HDX: variants seen among roughly 807,000 people sequenced by gnomAD.
The protein encoded by HDX is highly divergent homeobox, also known as chromosome X open reading frame 43.
In HDX, 19 loss-of-function variants were observed where a neutral mutation model predicts 45.2. The ratio of observed to expected loss-of-function variants is 0.42; its 90% CI spans 0.29 to 0.62. HDX has a LOEUF of 0.62. HDX is among the 20% of genes least tolerant of loss of function. The pLI, the probability that HDX is intolerant of heterozygous loss-of-function variation, is 0.20. For synonymous variants in HDX, 188 were observed against 172.8 expected, an observed-to-expected ratio of 1.09 and a Z score of -0.69; for missense variants, 532 against 493.9, an observed-to-expected ratio of 1.08 and a Z score of -0.73.
chrX:84,324,537 A>C, intron 10 of HDX, among the ~76,000 whole-genome samples: 1 of 111,604 alleles, frequency 9.0e-6, no homozygotes, highest in East Asian at 2.8e-4. Context: ...GTTCACTACA[A>C]TTTTTGAATC....
At chrX:84,401,847 A>G (rs187461508) in intron 5 of HDX, among the ~76,000 whole-genome samples, 2 of 112,635 alleles carry the variant, frequency 1.8e-5, no homozygotes, top group East Asian at 2.8e-4. Flanking sequence ...AAAATGTGGT[A>G]CATATACACC....
intron 4 of HDX, among the ~76,000 whole-genome samples, chrX:84,463,451 G>A (rs962328956): frequency 9.0e-6 from 1 of 111,044 alleles, no homozygotes; most frequent in African/African-American, 3.3e-5. Flanking sequence ...CATTACCAAG[G>A]CACTTTTACT....
intron 5 of HDX, among the ~76,000 whole-genome samples, chrX:84,397,080 A>T (rs2038584577): frequency 8.9e-6 from 1 of 112,304 alleles, no homozygotes; most frequent in Non-Finnish European, 1.9e-5. Flanking sequence ...CCACAATGTC[A>T]GTCAACACTT....
intron 7 of HDX, among the ~76,000 whole-genome samples, chrX:84,341,035 A>G (rs1237383105): frequency 9.0e-6 from 1 of 111,037 alleles, no homozygotes; most frequent in Non-Finnish European, 1.9e-5. Flanking sequence ...TTATTTTCTA[A>G]AATTATCTTT....
At chrX:84,466,529 G>T (rs142386368) in intron 4 of HDX, among the ~76,000 whole-genome samples, 1,497 of 111,669 alleles carry the variant, frequency 0.013, 36 homozygotes, top group African/African-American at 0.047. Context: ...TCATTCATAC[G>T]ACAGTTGCTA....
chrX:84,444,556 A>C (rs772989318), intron 4 of HDX, among the ~76,000 whole-genome samples: 53 of 111,082 alleles, frequency 4.8e-4, no homozygotes, highest in Non-Finnish European at 1.9e-4. Flanking sequence ...TAATGGAAAT[A>C]GTCCTGTTAT....
chrX:84,336,660 G>T (rs758598039), intron 8 of HDX, 141 bp downstream of exon 8: 3 of 443,775 alleles, frequency 6.8e-6, no homozygotes, highest in Non-Finnish European at 1.1e-5. Flanking sequence ...TCAAAGATAT[G>T]TAATTTCATT....
chrX:84,350,713 TATC>T (rs1334975188), intron 6 of HDX, among the ~76,000 whole-genome samples: 1 of 112,102 alleles, frequency 8.9e-6, no homozygotes, highest in Non-Finnish European at 1.9e-5. Context: ...AAACTACACA[TATC>T]ATGATATTTT....
At position 84,468,842 on chromosome X, in the gene HDX, A is replaced by G; in HGVS notation, c.881T>C (p.Leu294Ser). 1 of 1,211,681 alleles carries G rather than the reference A, an allele frequency of 8.3e-7. No homozygotes were observed. The highest frequency in any genetic ancestry group is 1.1e-6 in the Non-Finnish European group (1 of 895,438). ...ATCTCCAGTCTCCATTGCAATGGAC[A>G]AACAATTTCCTTCTGCTGAGCTAGG... ...QKPSSAEGNC[L>S]SIAMETGDAE... The change falls in exon 4 of 11, where the codon TTG becomes TCG. Residue 294 changes from leucine to serine, a missense_variant. Physicochemically the swap from Leu to Ser is moderately radical, Grantham distance 145. Coordinates refer to ENST00000373177, the MANE Select transcript of HDX (RefSeq NM_001177479.2).
intron 5 of HDX, among the ~76,000 whole-genome samples, chrX:84,438,279 G>A (rs1044998901): frequency 5.4e-5 from 6 of 111,047 alleles, no homozygotes; most frequent in African/African-American, 2.0e-4. Flanking sequence ...CTACTTTTTG[G>A]GGAAGAAAAT....
intron 1 of HDX, among the ~76,000 whole-genome samples, chrX:84,501,190 G>A (rs1389079160): frequency 8.9e-6 from 1 of 111,748 alleles, no homozygotes; most frequent in Non-Finnish European, 1.9e-5. Flanking sequence ...AGACAGGCAG[G>A]TTGTTCTTCA....
intron 6 of HDX, among the ~76,000 whole-genome samples, chrX:84,354,084 G>A (rs2037419477): frequency 9.0e-6 from 1 of 111,199 alleles, no homozygotes; most frequent in Non-Finnish European, 1.9e-5. Context: ...ATGATCAATG[G>A]ACAAGTTATT....
intron 4 of HDX, among the ~76,000 whole-genome samples, chrX:84,450,519 A>T (rs1248485977): frequency 8.9e-6 from 1 of 111,861 alleles, no homozygotes; most frequent in Non-Finnish European, 1.9e-5. Context: ...TATGCCCCCA[A>T]CACCAGTGCA....
At chrX:84,488,324 A>AACACACACAC (rs200905875) in intron 1 of HDX, among the ~76,000 whole-genome samples, 192 bp from the exon 2 acceptor site, 85 of 94,875 alleles carry the variant, frequency 9.0e-4, no homozygotes, top group East Asian at 4.5e-3. Flanking sequence ...TAAAATCTAA[A>AACACACACAC]ACACACACAC....
Position 84,468,479 on chromosome X carries a change from T to C in HDX, c.1244A>G (p.Asn415Ser). The change falls in exon 4 of 11, where the codon AAT (asparagine) becomes AGT (serine). Residue 415 changes from asparagine to serine, a missense_variant. Transcript: ENST00000373177. ...AATAAATTTACACATTACCTGGTAA[T>C]TGTTTTGGTTTTGTGATAATCTCAA... ...NQLRLSQNQNNYQISGNLTVP... is the reference protein window; with the variant it reads ...NQLRLSQNQNSYQISGNLTVP... 1.8e-6 allele frequency: 2 copies of C among 1,123,275 alleles called. No individual in the cohort carries two copies. The highest frequency in any genetic ancestry group is 2.4e-6 in the Non-Finnish European group (2 of 834,103). The allele number at this position is 1,123,275 out of a possible 1,213,427, so 92.6% of individuals were successfully genotyped here.
intron 5 of HDX, among the ~76,000 whole-genome samples, chrX:84,379,687 A>G (rs1049860094): frequency 7.2e-5 from 8 of 111,189 alleles, no homozygotes; most frequent in African/African-American, 2.6e-4. Context: ...GAAACAAATA[A>G]TAGAAACAAA....
At chrX:84,361,396 T>G in intron 6 of HDX, 70 bp downstream of exon 6, 1 of 961,200 alleles carries the variant, frequency 1.0e-6, no homozygotes. Context: ...GAGCACCTCA[T>G]GTAAGATTTT....
At chrX:84,375,680 T>C (rs2038035245) in intron 5 of HDX, among the ~76,000 whole-genome samples, 1 of 104,270 alleles carries the variant, frequency 9.6e-6, no homozygotes, top group African/African-American at 3.6e-5. Context: ...CACTCATAGA[T>C]GGGAATTGAA....
chrX:84,318,489 C>T lies in HDX; in HGVS notation c.*3400G>A, dbSNP rs184289455. The T allele has an allele frequency of 1.5e-3, 166 of 110,985 alleles. 1 individual carries two copies. The highest frequency in any genetic ancestry group is 5.0e-3 in the African/African-American group (155 of 30,778). The allele number at this position is 110,985 out of a possible 1,213,427, so 9.1% of individuals were successfully genotyped here. A position where few individuals can be genotyped will look rare whatever the true frequency, so the allele number is the denominator to read the frequency against. ...GCAGGAGTTAAAGTTTTCAGAATGT[C>T]TTTTAAAAAGGATCACAAAATAGTT... On this transcript the variant is annotated 3_prime_UTR_variant, in exon 11 of 11. Coordinates refer to ENST00000373177, the MANE Select transcript of HDX (RefSeq NM_001177479.2).
Sources: allele counts gnomAD v4.1 joint callset (sites outside exome capture counted in the v4.1 genomes callset), GRCh38; gene constraint gnomAD v4.1.1; transcripts MANE v1.5; gene names NCBI Gene and HGNC (gene_info 2026-07-23, HGNC 2026-07-21).